SNAP47: variants seen among roughly 807,000 people sequenced by gnomAD.
SNAP47 encodes synaptosome associated protein 47.
Under a neutral mutation model 31.4 loss-of-function variants are expected in SNAP47, and 20 were observed. The observed-to-expected ratio is 0.64, with a 90% CI of 0.45 to 0.93. The LOEUF is 0.93. Ranked by LOEUF, SNAP47 falls within the 40% of genes least tolerant of loss-of-function variation. The pLI, the probability that SNAP47 is intolerant of heterozygous loss-of-function variation, is 0.00. For synonymous variants in SNAP47, 194 were observed against 213.4 expected (o/e 0.91, Z 0.79); for missense variants, 492 against 528.5 (o/e 0.93, Z 0.68).
upstream of SNAP47, chr1:227,733,650 A>G (rs1336777706): frequency 3.1e-6 from 5 of 1,603,046 alleles, no homozygotes; most frequent in Admixed American, 3.3e-5. Context: ...GACCAGCTGA[A>G]GGAGCGGAAG....
intron 2 of SNAP47, among the ~76,000 whole-genome samples, chr1:227,753,023 AG>A (rs1174227878): frequency 6.6e-6 from 1 of 152,194 alleles, no homozygotes; most frequent in Non-Finnish European, 1.5e-5. Flanking sequence ...TTTCTGTTGA[AG>A]GTCCTGTTTT....
At chr1:227,728,615 C>G (rs1450623988), upstream of SNAP47, 1 of 149,722 alleles carries the variant, frequency 6.7e-6, no homozygotes, top group South Asian at 2.1e-4. Flanking sequence ...ACCTAGTGCC[C>G]GACAGGAAAC....
Position 227,735,491 on chromosome 1 carries a change from G to A in SNAP47, c.-54G>A, listed in dbSNP as rs774663009. 2 of 1,411,812 alleles carry A rather than the reference G, an allele frequency of 1.4e-6. No homozygotes were observed. Among genetic ancestry groups the A allele is most frequent in the African/African-American group, 1.5e-5 (1 of 66,678 alleles). 87.5% of individuals were successfully genotyped at this position (1,411,812 alleles called of 1,614,324 possible). On this transcript the variant is annotated 5_prime_UTR_variant, in exon 1 of 5. Coordinates refer to ENST00000617596, the MANE Select transcript of SNAP47 (RefSeq NM_053052.4). ...CGGTCGGCTCTGGGACTCGTCTGGC[G>A]TCCCTCAGGTGAGCGACGGTGTTGG...
intron 2 of SNAP47, among the ~76,000 whole-genome samples, chr1:227,749,738 CTGTG>C (rs1379817735): frequency 7.4e-6 from 1 of 135,662 alleles, no homozygotes; most frequent in Non-Finnish European, 1.7e-5. Flanking sequence ...CCTTGAGAGC[CTGTG>C]TGTGTGTCTG....
At position 227,759,610 on chromosome 1, in the gene SNAP47, A is replaced by G. The variant is rs1395139659; in HGVS notation, c.988+125A>G. ...AGCAGCTGCTGGCCTCCAGCTTGCT[A>G]GAGACAGCTCGTTTGTTTATACATA... On this transcript the variant is annotated intron_variant, in intron 3 of 4. Transcript: ENST00000617596. 6.2e-6 allele frequency: 8 copies of G among 1,298,370 alleles called. No individual in the cohort carries two copies. The East Asian group carries it at 1.6e-4, about 26-fold the overall frequency. 80.4% of individuals were successfully genotyped at this position (1,298,370 alleles called of 1,614,324 possible). A position where few individuals can be genotyped will look rare whatever the true frequency, so the allele number is the denominator to read the frequency against.
chr1:227,768,202 G>A (rs764561274), intron 4 of SNAP47: 26 of 845,674 alleles, frequency 3.1e-5, no homozygotes, highest in South Asian at 1.1e-4. Context: ...GGTATGTGGC[G>A]CACATGCAGT....
At chr1:227,777,457 T>G (rs532103920) in intron 4 of SNAP47, among the ~76,000 whole-genome samples, 2 of 152,316 alleles carry the variant, frequency 1.3e-5, no homozygotes, top group African/African-American at 4.8e-5. Context: ...CATGCCTCCC[T>G]GTGGTCCTGA....
chr1:227,757,923 TC>T (rs1336052653), intron 2 of SNAP47, among the ~76,000 whole-genome samples: 1 of 151,862 alleles, frequency 6.6e-6, no homozygotes, highest in Non-Finnish European at 1.5e-5. Context: ...CCTCCTTCTC[TC>T]CCCCCAGCAT....
chr1:227,754,813 G>A (rs908480382), intron 2 of SNAP47, among the ~76,000 whole-genome samples: 7 of 152,174 alleles, frequency 4.6e-5, no homozygotes, highest in African/African-American at 1.7e-4. Context: ...CTGTGAGAGG[G>A]AATCAAAAGT....
At position 227,780,683 on chromosome 1, in the gene SNAP47, G is replaced by GTCCC; in HGVS notation, c.*12_*15dup. ...GAAGAGGCTGACCTAGGGGCAGAAC[G>GTCCC]TCCCTGCATTCCTGTCTCACCCTGC... On this transcript the variant is annotated 3_prime_UTR_variant, in exon 5 of 5. Coordinates refer to ENST00000617596, the MANE Select transcript of SNAP47 (RefSeq NM_053052.4). 1 of 1,613,942 alleles carries GTCCC rather than the reference G, an allele frequency of 6.2e-7. No individual in the cohort carries two copies. The highest frequency in any genetic ancestry group is 8.5e-7 in the Non-Finnish European group (1 of 1,179,954).
chr1:227,744,651 A>G (rs1291530163), intron 1 of SNAP47, among the ~76,000 whole-genome samples: 2 of 147,232 alleles, frequency 1.4e-5, no homozygotes, highest in Admixed American at 7.0e-5. Flanking sequence ...AGCTCTGTTC[A>G]GATACTAAAA....
intron 1 of SNAP47, among the ~76,000 whole-genome samples, chr1:227,737,902 G>A (rs186414879): frequency 7.2e-5 from 11 of 152,202 alleles, no homozygotes; most frequent in African/African-American, 2.6e-4. Flanking sequence ...TGTTTATTGG[G>A]GTTTTTTTTA....
chr1:227,743,022 G>A (rs573857003), intron 1 of SNAP47, among the ~76,000 whole-genome samples: 1 of 152,284 alleles, frequency 6.6e-6, no homozygotes, highest in South Asian at 2.1e-4. Context: ...GGCCCACTGG[G>A]CCCTTGCTGT....
chr1:227,739,802 C>T (rs1661469970), intron 1 of SNAP47, among the ~76,000 whole-genome samples: 2 of 152,172 alleles, frequency 1.3e-5, no homozygotes, highest in South Asian at 4.1e-4. Flanking sequence ...ACCCTTGGGC[C>T]CCTGGCCATG....
chr1:227,750,707 C>T (rs1429614004), intron 2 of SNAP47, among the ~76,000 whole-genome samples: 1 of 152,240 alleles, frequency 6.6e-6, no homozygotes, highest in Non-Finnish European at 1.5e-5. Flanking sequence ...GAGCCCTGGC[C>T]ATAGGCGAGG....
chr1:227,758,146 CTG>C (rs1662807110), intron 2 of SNAP47, among the ~76,000 whole-genome samples: 1 of 152,198 alleles, frequency 6.6e-6, no homozygotes, highest in Non-Finnish European at 1.5e-5. Context: ...TGAATTCTAA[CTG>C]TGCATGGCAT....
At chr1:227,767,573 G>T (rs1191921798) in intron 4 of SNAP47, among the ~76,000 whole-genome samples, 1 of 152,086 alleles carries the variant, frequency 6.6e-6, no homozygotes, top group Non-Finnish European at 1.5e-5. Context: ...TGTTGTGTGT[G>T]TATGCACATG....
intron 2 of SNAP47, among the ~76,000 whole-genome samples, chr1:227,754,643 C>A (rs1336591577): frequency 6.6e-6 from 1 of 152,136 alleles, no homozygotes; most frequent in Non-Finnish European, 1.5e-5. Context: ...AGTGTGTGCA[C>A]CCATGTCATT....
At chr1:227,735,040 G>C (rs1660986248), upstream of SNAP47, 2 of 1,551,900 alleles carry the variant, frequency 1.3e-6, no homozygotes, top group Admixed American at 1.9e-5. Context: ...GGTCGAAGTC[G>C]GGCCTCCCCG....
Sources: allele counts gnomAD v4.1 joint callset (sites outside exome capture counted in the v4.1 genomes callset), GRCh38; gene constraint gnomAD v4.1.1; transcripts MANE v1.5; gene names NCBI Gene and HGNC (gene_info 2026-07-23, HGNC 2026-07-21).